SMC4: variants seen among roughly 807,000 people sequenced by gnomAD.
SMC4 encodes structural maintenance of chromosomes protein 4.
A neutral mutation model predicts 145.6 loss-of-function variants in SMC4; 87 were observed. The ratio of observed to expected loss-of-function variants is 0.60; its 90% CI spans 0.50 to 0.71. The LOEUF is 0.71. Ranked by LOEUF, SMC4 falls within the 30% of genes least tolerant of loss-of-function variation. The pLI, the probability that SMC4 is intolerant of heterozygous loss-of-function variation, is 0.00. For synonymous variants in SMC4, 558 were observed against 500.7 expected (o/e 1.11, Z -1.53); for missense variants, 1,447 against 1,537.1 (o/e 0.94, Z 0.98).
At position 160,423,828 on chromosome 3, in the gene SMC4, C is replaced by G; in HGVS notation, c.2313C>G (p.Ile771Met). 1 of 1,611,446 alleles carries G rather than the reference C, an allele frequency of 6.2e-7. No individual in the cohort carries two copies. The highest frequency in any genetic ancestry group is 8.5e-7 in the Non-Finnish European group (1 of 1,178,994). ...TGGGTTCCTCACTTGTTATTGAAAT[C>G]TCTGAAGAAGAGGTCAGCATATCTA... ...GRMGSSLVIE[I>M]SEEEVNKMES... Residue 771 changes from isoleucine (I) to methionine (M), a missense_variant, in exon 15 of 24, where the codon ATC becomes ATG. Transcript: ENST00000357388.
chr3:160,419,558 TG>T lies in SMC4; in HGVS notation c.1857+21del. The T allele has an allele frequency of 3.2e-6, 5 of 1,571,642 alleles. No homozygotes were observed. Among genetic ancestry groups the T allele is most frequent in the East Asian group, 2.3e-5 (1 of 44,298 alleles). On this transcript the variant is annotated intron_variant, in intron 12 of 23. Transcript: ENST00000357388. ...ATGGAAGATTGGTAAAGTAGATTTT[TG>T]GGGGGCATGGCTTTACTTTTTTTTT...
At chr3:160,423,906 C>G in intron 15 of SMC4, 66 bp downstream of exon 15, 4 of 1,305,224 alleles carry the variant, frequency 3.1e-6, no homozygotes, top group Non-Finnish European at 4.2e-6. Flanking sequence ...GAGGTATATA[C>G]TTACTACAAA....
chr3:160,423,676 T>G, intron 14 of SMC4, 26 bp downstream of exon 14: 2 of 1,596,988 alleles, frequency 1.3e-6, no homozygotes, highest in Non-Finnish European at 1.7e-6. Flanking sequence ...TTTCTTGGTT[T>G]GTTTTTTTTT....
rs753624376 is a variant in SMC4, at chr3:160,432,478, G to A, written c.3493G>A (p.Asp1165Asn). Residue 1165 changes from aspartate to asparagine, a missense_variant, in exon 22 of 24, where the codon GAC (aspartate) becomes AAC (asparagine). Asp to Asn is a conservative substitution (Grantham distance 23, BLOSUM62 1). Transcript: ENST00000357388. ...LGGDAELELV[D>N]SLDPFSEGIM... is the part of the protein sequence containing the mutation. ...AGGGGACGCCGAACTCGAGCTTGTA[G>A]ACAGCTTGGATCCTTTCTCTGAAGG... 6.2e-7 allele frequency: 1 copy of A among 1,611,596 alleles called. No individual in the cohort carries two copies. Among genetic ancestry groups the A allele is most frequent in the African/African-American group, 1.3e-5 (1 of 74,782 alleles).
chr3:160,411,776 C>T, intron 5 of SMC4, 144 bp from the exon 6 acceptor site: 3 of 555,670 alleles, frequency 5.4e-6, no homozygotes, highest in South Asian at 3.5e-5. Context: ...TTATTTATAC[C>T]TTATTAAATC....
chr3:160,412,089 A>G lies in SMC4; in HGVS notation c.852+5A>G, dbSNP rs780981187. On this transcript the variant is annotated splice_donor_5th_base_variant and intron_variant, in intron 6 of 23. Transcript: ENST00000357388. The stretch of plus-strand genomic sequence containing the variant: ...AATGAACACAGAGGAGAGAAGGTGA[A>G]TCATCTGTAGACTTTCATTGTAAAT... The G allele has an allele frequency of 1.9e-6, 3 of 1,610,470 alleles. No individual in the cohort carries two copies. Among genetic ancestry groups the G allele is most frequent in the African/African-American group, 1.3e-5 (1 of 74,778 alleles).
chr3:160,404,889 A>T, intron 5 of SMC4: 1 of 397,938 alleles, frequency 2.5e-6, no homozygotes, highest in African/African-American at 2.1e-5. Flanking sequence ...TTTAAATGAA[A>T]TGTATTATAT....
At chr3:160,429,725 T>C (rs574301536) in intron 18 of SMC4, among the ~76,000 whole-genome samples, 5 of 150,396 alleles carry the variant, frequency 3.3e-5, no homozygotes, top group African/African-American at 1.2e-4. Flanking sequence ...TTTTTTTTTT[T>C]TTTTTCTTTT....
intron 18 of SMC4, 87 bp from the exon 19 acceptor site, chr3:160,430,507 CATTAA>C (rs1235730451): frequency 9.2e-7 from 1 of 1,084,096 alleles, no homozygotes; most frequent in African/African-American, 1.6e-5. Context: ...AAAAATGTCA[CATTAA>C]ATTTCATGAA....
intron 13 of SMC4, among the ~76,000 whole-genome samples, chr3:160,421,893 C>T (rs1452966468): frequency 6.6e-6 from 1 of 152,158 alleles, no homozygotes; most frequent in Non-Finnish European, 1.5e-5. Context: ...CTCCCTATAC[C>T]CCTTCACCCC....
In SMC4 at chr3:160,416,716, C is replaced by T. The variant is rs551067879; in HGVS notation, c.1437+301C>T. Reference sequence around the variant, plus strand: ...GTTGAATCATCATATTTTGTTGCCACCTGTAAAACCTGGAGCCACACTAAG... The same window carrying T: ...GTTGAATCATCATATTTTGTTGCCATCTGTAAAACCTGGAGCCACACTAAG... On this transcript the variant is annotated intron_variant, in intron 10 of 23. Coordinates refer to ENST00000357388, the MANE Select transcript of SMC4 (RefSeq NM_001002800.3). 1.2e-4 allele frequency: 21 copies of T among 168,852 alleles called. No individual in the cohort carries two copies. The South Asian group carries it at 3.8e-3, about 31-fold the overall frequency. 10.5% of individuals were successfully genotyped at this position (168,852 alleles called of 1,614,324 possible).
In SMC4 at chr3:160,434,427, A is replaced by C. The variant is rs1022598091; in HGVS notation, c.*618A>C. 3 of 152,160 alleles carry C rather than the reference A, an allele frequency of 2.0e-5. No homozygotes were observed. The highest frequency in any genetic ancestry group is 7.2e-5 in the African/African-American group (3 of 41,426). 9.4% of individuals were successfully genotyped at this position (152,160 alleles called of 1,614,324 possible). ...CGTAAGTTGAAAAATATCCCACTATAGTTGCTTCATGAGTATGAAGTAAGA... is the reference window on the plus strand; with the variant it reads ...CGTAAGTTGAAAAATATCCCACTATCGTTGCTTCATGAGTATGAAGTAAGA... On this transcript the variant is annotated 3_prime_UTR_variant, in exon 24 of 24. Transcript: ENST00000357388.
intron 4 of SMC4, chr3:160,404,101 G>A (rs1273405592): frequency 2.3e-6 from 1 of 439,168 alleles, no homozygotes; most frequent in Non-Finnish European, 4.0e-6. Flanking sequence ...GGTTGGTTTG[G>A]CTTCTTGATT....
intron 1 of SMC4, 171 bp from the exon 2 acceptor site, chr3:160,400,651 C>A (rs527366150): frequency 1.3e-6 from 1 of 768,530 alleles, no homozygotes; most frequent in Non-Finnish European, 1.9e-6. Context: ...ACCAGTCCTG[C>A]CTTCTTGCCA....
Position 160,417,783 on chromosome 3 carries a change from G to A in SMC4, c.1498G>A (p.Asp500Asn), listed in dbSNP as rs1158955639. ...GGTAAATGAAGCACGTTCAAAGATG[G>A]ATGTAGCCCAGTCAGAACTTGATAT... ...KSVNEARSKM[D>N]VAQSELDIYL... Residue 500 changes from aspartate (D) to asparagine (N), a missense_variant, in exon 11 of 24, where the codon GAT becomes AAT. Coordinates refer to ENST00000357388, the MANE Select transcript of SMC4 (RefSeq NM_001002800.3). The A allele has an allele frequency of 6.2e-7, 1 of 1,613,482 alleles. No individual in the cohort carries two copies. The highest frequency in any genetic ancestry group is 8.5e-7 in the Non-Finnish European group (1 of 1,179,800).
chr3:160,417,119 A>C (rs1326059128), intron 10 of SMC4, among the ~76,000 whole-genome samples: 1 of 152,170 alleles, frequency 6.6e-6, no homozygotes, highest in Non-Finnish European at 1.5e-5. Flanking sequence ...TAAGCATGTT[A>C]AATACCTATG....
chr3:160,425,085 T>TC (rs1717641891), intron 16 of SMC4, 66 bp downstream of exon 16: 3 of 1,485,536 alleles, frequency 2.0e-6, no homozygotes, highest in Admixed American at 2.5e-5. Context: ...CTGGAATTTA[T>TC]CAGAACCATT....
At chr3:160,419,628 C>A in intron 12 of SMC4, 85 bp downstream of exon 12, 2 of 1,190,896 alleles carry the variant, frequency 1.7e-6, no homozygotes, top group Non-Finnish European at 1.2e-6. Context: ...AACCATATTT[C>A]AAGTGTCACT....
chr3:160,408,985 C>T lies in SMC4; in HGVS notation c.688-2935C>T, dbSNP rs1269305534. Among the ~76,000 whole-genome samples, 3 of 152,060 alleles carry T rather than the reference C, an allele frequency of 2.0e-5. No individual in the cohort carries two copies. The East Asian group carries it at 5.8e-4, about 29-fold the overall frequency. On this transcript the variant is annotated intron_variant, in intron 5 of 23. Coordinates refer to ENST00000357388, the MANE Select transcript of SMC4 (RefSeq NM_001002800.3). ...GTAACTGGTTTAAAAAAAAGCAATA[C>T]GGTATAATAATCTTAAGACTGCTGT...
Sources: allele counts gnomAD v4.1 joint callset (sites outside exome capture counted in the v4.1 genomes callset), GRCh38; gene constraint gnomAD v4.1.1; transcripts MANE v1.5; gene names NCBI Gene and HGNC (gene_info 2026-07-23, HGNC 2026-07-21).